Variants in PRICKLE2 observed in about 807,000 individuals in gnomAD.
The protein encoded by PRICKLE2 is prickle-like protein 2.
Under a neutral mutation model 81.4 loss-of-function variants are expected in PRICKLE2, and 21 were observed. That is an observed-to-expected ratio of 0.26 (90% CI 0.18 to 0.37). PRICKLE2 has a LOEUF of 0.37. Among genes scored for constraint, PRICKLE2 ranks in the 10% least tolerant of loss-of-function variants. PRICKLE2 has a pLI of 1.00. For synonymous variants in PRICKLE2, 456 were observed against 421.5 expected (o/e 1.08, Z -1.00); for missense variants, 940 against 1,109.0 (o/e 0.85, Z 2.16).
At chr3:64,265,660 G>A (rs2079692514) in intron 2 of PRICKLE2, among the ~76,000 whole-genome samples, 1 of 152,120 alleles carries the variant, frequency 6.6e-6, no homozygotes, top group Non-Finnish European at 1.5e-5. Context: ...TATTGTTGAT[G>A]TACTTCAGGG....
At chr3:64,208,051 A>G (rs2078721219) in intron 1 of PRICKLE2, among the ~76,000 whole-genome samples, 1 of 152,156 alleles carries the variant, frequency 6.6e-6, no homozygotes, top group Non-Finnish European at 1.5e-5. Flanking sequence ...AAAATGAACC[A>G]AACATTCTTC....
At chr3:64,192,744 A>G (rs1370264394) in intron 2 of PRICKLE2, among the ~76,000 whole-genome samples, 1 of 152,220 alleles carries the variant, frequency 6.6e-6, no homozygotes, top group Non-Finnish European at 1.5e-5. Context: ...TTCCTGCGAC[A>G]GTTTGAAGTG....
intron 7 of PRICKLE2, among the ~76,000 whole-genome samples, chr3:64,136,143 G>C (rs1173964815): frequency 1.3e-5 from 2 of 152,026 alleles, no homozygotes; most frequent in African/African-American, 4.8e-5. Flanking sequence ...TTGATGTCAA[G>C]GACATCTTCA....
At chr3:64,253,320 T>A (rs1423386343) in intron 2 of PRICKLE2, among the ~76,000 whole-genome samples, 4 of 152,160 alleles carry the variant, frequency 2.6e-5, no homozygotes, top group African/African-American at 9.7e-5. Context: ...GTGGCAGAGC[T>A]GAAACTGGAA....
At chr3:64,121,343 T>C (rs1046079165) in intron 7 of PRICKLE2, among the ~76,000 whole-genome samples, 6 of 152,086 alleles carry the variant, frequency 3.9e-5, no homozygotes, top group South Asian at 2.1e-4. Context: ...AGAAAGAAGA[T>C]AGAAAATGCA....
At chr3:64,216,887 G>A (rs933793900) in intron 1 of PRICKLE2, among the ~76,000 whole-genome samples, 4 of 152,182 alleles carry the variant, frequency 2.6e-5, no homozygotes, top group African/African-American at 9.7e-5. Context: ...GCAAGGGTGG[G>A]GGTGTCATCT....
chr3:64,261,707 G>A (rs953550609), intron 2 of PRICKLE2, among the ~76,000 whole-genome samples: 24 of 152,262 alleles, frequency 1.6e-4, no homozygotes, highest in African/African-American at 5.8e-4. Context: ...GAGGTAGGCA[G>A]AAACTTGGGC....
At chr3:64,237,913 C>T (rs1046099475) in intron 2 of PRICKLE2, among the ~76,000 whole-genome samples, 1 of 152,158 alleles carries the variant, frequency 6.6e-6, no homozygotes, top group Non-Finnish European at 1.5e-5. Flanking sequence ...TCATTCTCCT[C>T]CTCCAAGTCT....
intron 2 of PRICKLE2, among the ~76,000 whole-genome samples, chr3:64,195,442 C>A (rs546669651): frequency 1.2e-4 from 18 of 152,232 alleles, no homozygotes; most frequent in African/African-American, 4.1e-4. Flanking sequence ...CAACCTACGA[C>A]CTGGGAGTGA....
intron 7 of PRICKLE2, among the ~76,000 whole-genome samples, chr3:64,111,847 C>T (rs1241470545): frequency 1.3e-5 from 2 of 152,148 alleles, no homozygotes; most frequent in East Asian, 3.8e-4. Context: ...ATGGTACCAT[C>T]AGTGTAATAA....
chr3:64,236,181 T>C (rs2079177241), intron 2 of PRICKLE2, among the ~76,000 whole-genome samples: 1 of 152,164 alleles, frequency 6.6e-6, no homozygotes, highest in Non-Finnish European at 1.5e-5. Flanking sequence ...ATACTGGAAG[T>C]TGATGCCCAA....
intron 7 of PRICKLE2, among the ~76,000 whole-genome samples, chr3:64,122,246 A>G (rs1007613249): frequency 2.0e-5 from 3 of 152,166 alleles, no homozygotes; most frequent in African/African-American, 7.2e-5. Flanking sequence ...AGATTTGTCT[A>G]CCTCATCATC....
At chr3:64,118,870 A>G (rs2368055) in intron 7 of PRICKLE2, among the ~76,000 whole-genome samples, 2 of 151,918 alleles carry the variant, frequency 1.3e-5, no homozygotes, top group African/African-American at 4.8e-5. Flanking sequence ...GCAAATAAAT[A>G]TTATATCCAA....
intron 2 of PRICKLE2, among the ~76,000 whole-genome samples, chr3:64,180,768 C>A (rs759825683): frequency 6.6e-6 from 1 of 152,056 alleles, no homozygotes; most frequent in Non-Finnish European, 1.5e-5. Flanking sequence ...CCTGACCTCA[C>A]GTGATCCACC....
rs185307521 is a variant in PRICKLE2, at chr3:64,183,876, C to G, written c.144+14908G>C. On this transcript the variant is annotated intron_variant, in intron 2 of 7. Coordinates refer to ENST00000638394, the MANE Select transcript of PRICKLE2 (RefSeq NM_198859.4). ...GAATGCTCTCTTTTCTGTGTATCTT[C>G]CCAGTCTACATTCCCTGGGTATTTA... Among the ~76,000 whole-genome samples the G allele has an allele frequency of 1.3e-3, 198 of 152,320 alleles. 3 individuals carry two copies. Among genetic ancestry groups the G allele is most frequent in the Middle Eastern group, 6.8e-3 (2 of 294 alleles).
intron 1 of PRICKLE2, among the ~76,000 whole-genome samples, chr3:64,202,462 G>T (rs1257898829): frequency 2.0e-5 from 3 of 152,040 alleles, no homozygotes; most frequent in Non-Finnish European, 2.9e-5. Context: ...CACAAGGCTT[G>T]CACTTCTTTT....
chr3:64,146,988 G>T lies in PRICKLE2; in HGVS notation c.1502C>A (p.Pro501His), dbSNP rs1041530265. ...FSETRGSIQV[P>H]KYEEEEEEEG... The stretch of plus-strand genomic sequence containing the variant: ...CTCTTCCTCTTCCTCCTCATATTTG[G>T]GGACTTGGATGCTGCCTCGGGTCTC... Residue 501 changes from proline to histidine, a missense_variant, in exon 7 of 8, where the codon CCC (proline) becomes CAC (histidine). Physicochemically the swap from Pro to His is moderately conservative, Grantham distance 77. Transcript: ENST00000638394. The T allele has an allele frequency of 1.9e-6, 3 of 1,613,960 alleles. No individual in the cohort carries two copies. Among genetic ancestry groups the T allele is most frequent in the Non-Finnish European group, 8.5e-7 (1 of 1,180,032 alleles).
chr3:64,241,393 A>G (rs1367818170), intron 2 of PRICKLE2, among the ~76,000 whole-genome samples: 1 of 152,164 alleles, frequency 6.6e-6, no homozygotes, highest in African/African-American at 2.4e-5. Flanking sequence ...CACATTTATT[A>G]TCCTGCTCGT....
chr3:64,228,884 A>G (rs76343959), upstream of PRICKLE2, among the ~76,000 whole-genome samples: 2 of 152,222 alleles, frequency 1.3e-5, no homozygotes, highest in Non-Finnish European at 2.9e-5. Flanking sequence ...AAAAAGGACA[A>G]GGAAGACAAA....
Sources: allele counts gnomAD v4.1 joint callset (sites outside exome capture counted in the v4.1 genomes callset), GRCh38; gene constraint gnomAD v4.1.1; transcripts MANE v1.5; gene names NCBI Gene and HGNC (gene_info 2026-07-23, HGNC 2026-07-21).